The following SKAP2 variants were observed in gnomAD, a reference collection of about 807,000 sequenced individuals.
SKAP2 encodes the protein src kinase-associated phosphoprotein 2.
SKAP2 carries 28 observed loss-of-function variants against 54.9 expected under a neutral mutation model. That is an observed-to-expected ratio of 0.51 (90% confidence interval 0.38 to 0.70). The LOEUF (loss-of-function observed/expected upper bound fraction) is 0.70, where lower values mean the gene tolerates loss of function less well. Among genes scored for constraint, SKAP2 ranks in the 30% least tolerant of loss-of-function variants. The probability of loss-of-function intolerance (pLI) is 0.00; values close to 1 mark genes in which losing one functional copy is unlikely to be tolerated. For missense variants in SKAP2, 356 were observed against 424.1 expected, an observed-to-expected ratio of 0.84 and a Z score of 1.41; for synonymous variants, 137 against 134.3, an observed-to-expected ratio of 1.02 and a Z score of -0.14.
chr7:26,677,142 G>A (rs574309227), intron 11 of SKAP2, among the ~76,000 whole-genome samples: 1 of 152,298 alleles, frequency 6.6e-6, no homozygotes, highest in South Asian at 2.1e-4. Flanking sequence ...TGTAATCCCA[G>A]CACTTTGGGA....
At chr7:26,696,228 T>C (rs955160502) in intron 9 of SKAP2, among the ~76,000 whole-genome samples, 16 of 152,194 alleles carry the variant, frequency 1.1e-4, no homozygotes, top group Non-Finnish European at 2.1e-4. Flanking sequence ...AGCAATAAAA[T>C]ACATATTTTT....
intron 6 of SKAP2, among the ~76,000 whole-genome samples, chr7:26,734,164 C>T (rs1246778723): frequency 6.6e-6 from 1 of 152,158 alleles, no homozygotes; most frequent in African/African-American, 2.4e-5. Context: ...CTCTCAACAG[C>T]CCTGTGTTGA....
intron 4 of SKAP2, among the ~76,000 whole-genome samples, chr7:26,843,726 A>C (rs1784863528): frequency 6.6e-6 from 1 of 152,036 alleles, no homozygotes; most frequent in East Asian, 1.9e-4. Context: ...AGCATAATAA[A>C]ATTAAGCAAG....
chr7:26,764,308 G>T lies in SKAP2; in HGVS notation c.308-24344C>A, dbSNP rs188223450. Among the ~76,000 whole-genome samples, 10 of 152,186 alleles carry T rather than the reference G, an allele frequency of 6.6e-5. No homozygotes were observed. In the East Asian group the frequency reaches 1.7e-3, roughly 27 times the overall value. On this transcript the variant is annotated intron_variant, in intron 4 of 12. Transcript: ENST00000345317. ...AACTATGCAATAAAAAATAGGAATA[G>T]CATAGTCATTCTCTATAGAAGAAGA...
intron 4 of SKAP2, among the ~76,000 whole-genome samples, chr7:26,830,449 T>A (rs750262966): frequency 6.6e-6 from 1 of 152,086 alleles, no homozygotes; most frequent in African/African-American, 2.4e-5. Flanking sequence ...ACTTTAAGAA[T>A]CCTAGACCCT....
chr7:26,771,147 G>C lies in SKAP2; in HGVS notation c.308-31183C>G, dbSNP rs533772090. On this transcript the variant is annotated intron_variant, in intron 4 of 12. Coordinates refer to ENST00000345317, the MANE Select transcript of SKAP2 (RefSeq NM_003930.5). Reference sequence around the variant, plus strand: ...ATCCAACAAAAGCAAAGCAAGTATTGTTCCTGTGAGATAAGTGTTACAACT... The same window carrying C: ...ATCCAACAAAAGCAAAGCAAGTATTCTTCCTGTGAGATAAGTGTTACAACT... Among the ~76,000 whole-genome samples the C allele has an allele frequency of 2.6e-5, 4 of 152,150 alleles. 1 individual carries two copies. The South Asian group carries it at 8.3e-4, about 32-fold the overall frequency.
Position 26,725,911 on chromosome 7 carries a change from G to T in SKAP2, c.658+12C>A. 6.3e-7 allele frequency: 1 copy of T among 1,595,792 alleles called. No homozygotes were observed. The highest frequency in any genetic ancestry group is 1.1e-5 in the South Asian group (1 of 90,738). On this transcript the variant is annotated intron_variant, in intron 8 of 12. Coordinates refer to ENST00000345317, the MANE Select transcript of SKAP2 (RefSeq NM_003930.5). ...AAAGACTGTGATAACTTGTTCGATTGATTTATCTTACCTTGCAATACAAAT... is the reference window on the plus strand; with the variant it reads ...AAAGACTGTGATAACTTGTTCGATTTATTTATCTTACCTTGCAATACAAAT...
intron 9 of SKAP2, among the ~76,000 whole-genome samples, chr7:26,705,874 GT>G (rs1173343140): frequency 2.0e-5 from 3 of 152,086 alleles, no homozygotes; most frequent in Admixed American, 2.0e-4. Context: ...ATATTGAAAA[GT>G]TAAAATCAAA....
intron 4 of SKAP2, among the ~76,000 whole-genome samples, chr7:26,783,387 G>A (rs1034856687): frequency 5.9e-5 from 9 of 151,584 alleles, no homozygotes; most frequent in African/African-American, 1.7e-4. Context: ...TCCCCTACCC[G>A]TTTCCCCCAC....
At chr7:26,809,907 G>C (rs1784106535) in intron 4 of SKAP2, among the ~76,000 whole-genome samples, 1 of 152,162 alleles carries the variant, frequency 6.6e-6, no homozygotes, top group Non-Finnish European at 1.5e-5. Flanking sequence ...GTATAAAATG[G>C]AATACCATTT....
intron 4 of SKAP2, among the ~76,000 whole-genome samples, chr7:26,832,546 C>G (rs2127992785): frequency 6.6e-6 from 1 of 152,216 alleles, no homozygotes; most frequent in Non-Finnish European, 1.5e-5. Context: ...AAGCCTTGAG[C>G]CAGGCATGCT....
intron 4 of SKAP2, among the ~76,000 whole-genome samples, chr7:26,825,959 T>G (rs1784483559): frequency 6.6e-6 from 1 of 152,180 alleles, no homozygotes; most frequent in Non-Finnish European, 1.5e-5. Context: ...TTTTGCCTGC[T>G]CTTTGCTTTT....
intron 4 of SKAP2, among the ~76,000 whole-genome samples, chr7:26,776,795 C>T (rs931991055): frequency 6.6e-5 from 10 of 152,298 alleles, no homozygotes; most frequent in African/African-American, 1.7e-4. Flanking sequence ...GTCATTCCTG[C>T]ATTAAGATCT....
chr7:26,863,684 A>G (rs151152208), intron 1 of SKAP2, among the ~76,000 whole-genome samples: 1 of 152,330 alleles, frequency 6.6e-6, no homozygotes, highest in African/African-American at 2.4e-5. Flanking sequence ...AAGGGTACAA[A>G]GATGAAGTAC....
chr7:26,734,154 C>T (rs2127959163), intron 6 of SKAP2, among the ~76,000 whole-genome samples: 1 of 152,292 alleles, frequency 6.6e-6, no homozygotes, highest in South Asian at 2.1e-4. Flanking sequence ...CTCGCTCTGC[C>T]TCTCAACAGC....
intron 4 of SKAP2, among the ~76,000 whole-genome samples, chr7:26,841,636 C>T (rs1784818210): frequency 6.6e-6 from 1 of 151,800 alleles, no homozygotes; most frequent in African/African-American, 2.4e-5. Flanking sequence ...AATTAGGTGG[C>T]CATTTGGGAA....
intron 4 of SKAP2, among the ~76,000 whole-genome samples, chr7:26,817,664 A>G (rs1784298794): frequency 6.6e-6 from 1 of 152,206 alleles, no homozygotes; most frequent in African/African-American, 2.4e-5. Context: ...CTGTTTGCAG[A>G]TGACATTATT....
chr7:26,751,705 C>T lies in SKAP2; in HGVS notation c.308-11741G>A, dbSNP rs1298663205. ...TTCCACCTAAAACAAGAGGTTTTTC[C>T]ATAACTCTTTTTTCAATATAGATAT... On this transcript the variant is annotated intron_variant, in intron 4 of 12. Coordinates refer to ENST00000345317, the MANE Select transcript of SKAP2 (RefSeq NM_003930.5). Among the ~76,000 whole-genome samples, 4 of 152,092 alleles carry T rather than the reference C, an allele frequency of 2.6e-5. No homozygotes were observed. In the East Asian group the frequency reaches 5.8e-4, roughly 22 times the overall value.
chr7:26,732,282 A>T (rs1270311933), intron 6 of SKAP2, among the ~76,000 whole-genome samples: 1 of 152,190 alleles, frequency 6.6e-6, no homozygotes, highest in Non-Finnish European at 1.5e-5. Context: ...CAGTGGCAAC[A>T]TCACATGTCC....
Sources: allele counts gnomAD v4.1 joint callset (sites outside exome capture counted in the v4.1 genomes callset), GRCh38; gene constraint gnomAD v4.1.1; transcripts MANE v1.5; gene names NCBI Gene and HGNC (gene_info 2026-07-23, HGNC 2026-07-21).